The following COL6A5 variants were observed in gnomAD, a reference collection of about 807,000 sequenced individuals.
COL6A5 encodes the protein collagen type VI alpha 5 chain, also known as collagen alpha-5(VI) chain.
COL6A5 carries 48 observed loss-of-function variants against 65.6 expected under a neutral mutation model. The ratio of observed to expected loss-of-function variants is 0.73; its 90% CI spans 0.58 to 0.93. COL6A5 has a LOEUF of 0.93. COL6A5 is among the 40% of genes least tolerant of loss of function. COL6A5 has a pLI of 0.00. For synonymous variants in COL6A5, 291 were observed against 322.8 expected (o/e 0.90, Z 1.05); for missense variants, 914 against 928.3 (o/e 0.98, Z 0.20).
chr3:130,395,979 G>C (rs899751849), intron 8 of COL6A5, among the ~76,000 whole-genome samples: 1 of 152,116 alleles, frequency 6.6e-6, no homozygotes, highest in African/African-American at 2.4e-5. Flanking sequence ...CTAAAGATCT[G>C]AATTGTCTTT....
intron 5 of COL6A5, among the ~76,000 whole-genome samples, chr3:130,460,927 G>T (rs1709689102): frequency 6.6e-6 from 1 of 151,928 alleles, no homozygotes; most frequent in Admixed American, 6.6e-5. Context: ...GAGAGTGGTG[G>T]TGGTGGTGAT....
intron 4 of COL6A5, among the ~76,000 whole-genome samples, chr3:130,449,359 A>G (rs146899922): frequency 1.3e-5 from 2 of 152,120 alleles, no homozygotes; most frequent in African/African-American, 2.4e-5. Flanking sequence ...TGGGAGCACT[A>G]TAAGAGTTAT....
In COL6A5 at chr3:130,421,369, T is replaced by A. The variant is rs1252206937; in HGVS notation, c.5037+9T>A. On this transcript the variant is annotated intron_variant and NMD_transcript_variant, in intron 27 of 41. Transcript: ENST00000312481. Reference sequence around the variant, plus strand: ...GAGATGCGGGGCAGAAGGTATTGTATGCATGACCTTTTGAAATTACCATGA... The same window carrying A: ...GAGATGCGGGGCAGAAGGTATTGTAAGCATGACCTTTTGAAATTACCATGA... 12 of 1,550,522 alleles carry A rather than the reference T, an allele frequency of 7.7e-6. No individual in the cohort carries two copies. The highest frequency in any genetic ancestry group is 6.1e-6 in the Non-Finnish European group (7 of 1,146,106).
At chr3:130,468,758 T>C in intron 5 of COL6A5, 37 bp from the exon 38 acceptor site, 2 of 1,470,730 alleles carry the variant, frequency 1.4e-6, no homozygotes, top group Non-Finnish European at 1.9e-6. Context: ...AGCTTATCTT[T>C]CCATTAAAAA....
chr3:130,444,682 A>G (rs905965258), intron 4 of COL6A5, among the ~76,000 whole-genome samples: 3 of 152,158 alleles, frequency 2.0e-5, no homozygotes, highest in African/African-American at 4.8e-5. Flanking sequence ...ACAGAGAAAC[A>G]TAATTCCAAA....
upstream of COL6A5, chr3:130,429,570 C>G (rs148693021): frequency 3.2e-6 from 5 of 1,546,452 alleles, no homozygotes; most frequent in East Asian, 1.2e-4. Context: ...CTCCTTTTCA[C>G]AGCTTGCTGG....
rs373498736 is a variant in COL6A5, at chr3:130,469,038, G to C, written c.1790G>C (p.Gly597Ala). 6.2e-6 allele frequency: 10 copies of C among 1,612,694 alleles called. No individual in the cohort carries two copies. The African/African-American group carries it at 6.7e-5, about 11-fold the overall frequency. ...GCTGTCCTGAGCTACTCTCCTCCAGGCTATATGCCTAACACTGAAGAATGC... is the reference window on the plus strand; with the variant it reads ...GCTGTCCTGAGCTACTCTCCTCCAGCCTATATGCCTAACACTGAAGAATGC... Residue 597 changes from glycine to alanine, a missense_variant, in exon 6 of 8, where the codon GGC becomes GCC. Physicochemically the swap from Gly to Ala is moderately conservative, Grantham distance 60. Coordinates refer to ENST00000512836, the Ensembl canonical transcript of COL6A5.
upstream of COL6A5, chr3:130,429,493 T>C: frequency 7.9e-7 from 1 of 1,267,328 alleles, no homozygotes; most frequent in South Asian, 1.4e-5. Context: ...ATTTTCAGCT[T>C]TGTTAAAATG....
intron 1 of COL6A5, among the ~76,000 whole-genome samples, chr3:130,355,084 A>C (rs1934876367): frequency 6.6e-6 from 1 of 152,168 alleles, no homozygotes; most frequent in African/African-American, 2.4e-5. Flanking sequence ...GCTACCAAAA[A>C]AATTAAAATT....
intron 4 of COL6A5, among the ~76,000 whole-genome samples, chr3:130,448,790 T>C (rs2107710575): frequency 6.6e-6 from 1 of 152,324 alleles, no homozygotes; most frequent in African/African-American, 2.4e-5. Flanking sequence ...GTACTTTCCA[T>C]TGATAACGAG....
At position 130,376,191 on chromosome 3, in the gene COL6A5, A is replaced by C. The variant is rs1935760865; in HGVS notation, c.68-46A>C. 3 of 1,519,930 alleles carry C rather than the reference A, an allele frequency of 2.0e-6. No homozygotes were observed. The African/African-American group carries it at 4.2e-5, about 21-fold the overall frequency. The allele number at this position is 1,519,930 out of a possible 1,614,324, so 94.2% of individuals were successfully genotyped here. On this transcript the variant is annotated intron_variant and NMD_transcript_variant, in intron 2 of 41. Coordinates refer to the COL6A5 transcript ENST00000312481. ...ATAAGTATTGTGGTCTAAAATACAA[A>C]GGTTGAATGATAACTTTGTTTTTGC...
At chr3:130,385,343 C>G (rs983173572) in exon 5 of COL6A5, 2 of 1,550,022 alleles carry the variant, frequency 1.3e-6, no homozygotes, top group African/African-American at 1.4e-5. Flanking sequence ...TGAAGTCGTT[C>G]GTGAAATCTG....
At chr3:130,376,511 T>C in exon 3 of COL6A5, 1 of 1,605,458 alleles carries the variant, frequency 6.2e-7, no homozygotes, top group Non-Finnish European at 8.5e-7. Context: ...GAAAGGCTCT[T>C]CAGGAGGCTC....
intron 1 of COL6A5, among the ~76,000 whole-genome samples, chr3:130,368,904 G>A (rs952121948): frequency 6.6e-6 from 1 of 152,196 alleles, no homozygotes; most frequent in African/African-American, 2.4e-5. Context: ...CACCAGGGAG[G>A]CTAAGCCGAG....
At position 130,482,498 on chromosome 3, in the gene COL6A5, T is replaced by C. The variant is rs1028907173; in HGVS notation, c.2329-1537T>C. On this transcript the variant is annotated intron_variant, in intron 7 of 7. Coordinates refer to ENST00000512836, the Ensembl canonical transcript of COL6A5. ...CAGCATGATGCCTCCAGCTTTGTTC[T>C]TTTTGCTTAGGGTTGTCTTGGCTAT... Among the ~76,000 whole-genome samples, 5 of 152,206 alleles carry C rather than the reference T, an allele frequency of 3.3e-5. No individual in the cohort carries two copies. The East Asian group carries it at 9.6e-4, about 29-fold the overall frequency.
Position 130,418,307 on chromosome 3 carries a change from T to C in COL6A5, c.4888-562T>C, listed in dbSNP as rs142016375. Reference sequence around the variant, plus strand: ...CTCTCACTAATGTCTTCCCTCTTCCTGGATCACTCTCACCCCTTTCTTGCC... The same window carrying C: ...CTCTCACTAATGTCTTCCCTCTTCCCGGATCACTCTCACCCCTTTCTTGCC... On this transcript the variant is annotated intron_variant and NMD_transcript_variant, in intron 24 of 41. Coordinates refer to the COL6A5 transcript ENST00000312481. Among the ~76,000 whole-genome samples, 392 of 152,148 alleles carry C rather than the reference T, an allele frequency of 2.6e-3. 7 individuals are homozygous for C. Among genetic ancestry groups the C allele is most frequent in the East Asian group, 3.1e-3 (16 of 5,158 alleles).
intron 1 of COL6A5, among the ~76,000 whole-genome samples, chr3:130,362,355 G>T (rs1465306678): frequency 3.3e-5 from 4 of 120,034 alleles, no homozygotes; most frequent in Admixed American, 2.8e-4. Flanking sequence ...TTTGCATGTG[G>T]ATGTCTGGTT....
chr3:130,443,468 C>A lies in COL6A5; in HGVS notation c.1242-8C>A, dbSNP rs890681809. The A allele has an allele frequency of 6.3e-7, 1 of 1,592,000 alleles. No homozygotes were observed. Among genetic ancestry groups the A allele is most frequent in the South Asian group, 1.1e-5 (1 of 90,362 alleles). Reference sequence around the variant, plus strand: ...TAAAATCTAACTATAACTTTGTTCTCTCAATAGGGGGATTCAATCAGTACC... The same window carrying A: ...TAAAATCTAACTATAACTTTGTTCTATCAATAGGGGGATTCAATCAGTACC... On this transcript the variant is annotated splice_polypyrimidine_tract_variant and splice_region_variant and intron_variant, in intron 3 of 7. Transcript: ENST00000512836.
chr3:130,440,245 C>T (rs1405218514), exon 3 of COL6A5: 1 of 1,613,298 alleles, frequency 6.2e-7, no homozygotes, highest in South Asian at 1.1e-5. Flanking sequence ...TCCTCATAGA[C>T]AATTCTCGGA....
Sources: gnomAD v4.1 joint callset for allele counts (sites outside exome capture counted in the v4.1 genomes callset) on GRCh38, gnomAD v4.1.1 for gene constraint, MANE v1.5 for transcripts, NCBI Gene and HGNC (gene_info 2026-07-23, HGNC 2026-07-21) for gene names.